The following SLC39A11 variants were observed in gnomAD, a reference collection of about 807,000 sequenced individuals.
SLC39A11 encodes the protein zinc transporter ZIP11.
In SLC39A11, 33 loss-of-function variants were observed where a neutral mutation model predicts 36.1. The observed-to-expected ratio is 0.91, with a 90% CI of 0.69 to 1.22. SLC39A11 has a LOEUF of 1.22. Ranked by LOEUF, SLC39A11 falls within the 50% of genes most tolerant of loss-of-function variation. SLC39A11 has a pLI of 0.00. For synonymous variants in SLC39A11, 166 were observed against 170.3 expected, an observed-to-expected ratio of 0.97 and a Z score of 0.20; for missense variants, 432 against 430.3, an observed-to-expected ratio of 1.00 and a Z score of -0.03.
At chr17:73,040,785 G>A (rs1265048108) in intron 3 of SLC39A11, among the ~76,000 whole-genome samples, 1 of 152,104 alleles carries the variant, frequency 6.6e-6, no homozygotes. Flanking sequence ...AAGAGTTTGA[G>A]ACCAGCCTGG....
chr17:72,675,180 T>C (rs2071201897), intron 7 of SLC39A11, among the ~76,000 whole-genome samples: 1 of 152,088 alleles, frequency 6.6e-6, no homozygotes, highest in South Asian at 2.1e-4. Flanking sequence ...CTAATCACGA[T>C]TGTGATGGTA....
chr17:72,669,300 C>A (rs1215901564), intron 7 of SLC39A11, among the ~76,000 whole-genome samples: 1 of 152,208 alleles, frequency 6.6e-6, no homozygotes, highest in Non-Finnish European at 1.5e-5. Flanking sequence ...CTCATCAATT[C>A]TCCCCTGACA....
At chr17:73,080,817 C>T (rs2344991) in intron 3 of SLC39A11, among the ~76,000 whole-genome samples, 2,264 of 151,900 alleles carry the variant, frequency 0.015, 63 homozygotes, top group African/African-American at 0.052. Context: ...TGGTGGTGGG[C>T]GCCTGTAGTC....
At chr17:72,919,718 C>G (rs1275315416) in intron 5 of SLC39A11, among the ~76,000 whole-genome samples, 1 of 150,430 alleles carries the variant, frequency 6.6e-6, no homozygotes, top group Non-Finnish European at 1.5e-5. Flanking sequence ...GGAAGAGAAG[C>G]CAGAACCCTC....
At chr17:72,699,827 G>C (rs897937888) in intron 7 of SLC39A11, among the ~76,000 whole-genome samples, 2 of 152,140 alleles carry the variant, frequency 1.3e-5, no homozygotes. Flanking sequence ...CATCTTACTT[G>C]GCAGGGGATG....
chr17:72,785,000 C>A (rs1328500568), intron 6 of SLC39A11, among the ~76,000 whole-genome samples: 2 of 151,944 alleles, frequency 1.3e-5, no homozygotes, highest in Non-Finnish European at 2.9e-5. Flanking sequence ...GCTGGGATTA[C>A]AGGTACGCAG....
At position 72,966,217 on chromosome 17, in the gene SLC39A11, G is replaced by A. The variant is rs764697348; in HGVS notation, c.307-18342C>T. 2.0e-5 allele frequency among the ~76,000 whole-genome samples: 3 copies of A among 152,348 alleles called. 1 individual carries two copies. The highest frequency in any genetic ancestry group is 4.1e-4 in the South Asian group (2 of 4,828). ...TGCCTTTCTCAGTCAGAGGTTCCCT[G>A]TGGGAACATCACATCCAGTGGGTTC... On this transcript the variant is annotated intron_variant, in intron 4 of 9. Coordinates refer to ENST00000255559, the MANE Select transcript of SLC39A11 (RefSeq NM_139177.4).
chr17:72,854,728 T>C (rs1171250063), intron 5 of SLC39A11, among the ~76,000 whole-genome samples: 1 of 152,192 alleles, frequency 6.6e-6, no homozygotes, highest in Non-Finnish European at 1.5e-5. Context: ...AAGGACCCAC[T>C]GCCAGGGCTC....
intron 4 of SLC39A11, among the ~76,000 whole-genome samples, chr17:73,016,758 C>A (rs1269001012): frequency 6.6e-6 from 1 of 152,210 alleles, no homozygotes; most frequent in Non-Finnish European, 1.5e-5. Flanking sequence ...ATTTCAGAAC[C>A]AATGAACCAA....
At chr17:73,050,427 A>G (rs577021969) in intron 3 of SLC39A11, among the ~76,000 whole-genome samples, 64 of 144,746 alleles carry the variant, frequency 4.4e-4, no homozygotes, top group African/African-American at 1.5e-3. Flanking sequence ...TGAGGCAGTT[A>G]GGATCTTATA....
chr17:72,699,074 C>T (rs964669898), intron 7 of SLC39A11, among the ~76,000 whole-genome samples: 2 of 152,028 alleles, frequency 1.3e-5, no homozygotes, highest in Non-Finnish European at 2.9e-5. Flanking sequence ...TGTGATCTGC[C>T]CGCCTTGGCC....
chr17:72,885,582 T>C (rs2081402484), intron 5 of SLC39A11, among the ~76,000 whole-genome samples: 1 of 152,190 alleles, frequency 6.6e-6, no homozygotes, highest in Non-Finnish European at 1.5e-5. Flanking sequence ...GATCTACCTC[T>C]AAAATCTCAA....
At chr17:72,771,810 T>C (rs994273906) in intron 6 of SLC39A11, among the ~76,000 whole-genome samples, 1 of 152,212 alleles carries the variant, frequency 6.6e-6, no homozygotes, top group Non-Finnish European at 1.5e-5. Context: ...TCTCACATCA[T>C]GCTGATTTCA....
intron 4 of SLC39A11, among the ~76,000 whole-genome samples, chr17:73,008,004 G>T (rs771059783): frequency 3.9e-5 from 6 of 152,206 alleles, no homozygotes; most frequent in Non-Finnish European, 7.4e-5. Context: ...TCAGGAGGCT[G>T]AGACAGGAGA....
chr17:72,786,572 T>C (rs562835683), intron 6 of SLC39A11, among the ~76,000 whole-genome samples: 22 of 152,296 alleles, frequency 1.4e-4, no homozygotes, highest in African/African-American at 4.8e-4. Context: ...GGATGGCTGA[T>C]GGATCCCGGG....
At chr17:72,773,516 G>C (rs2076022511) in intron 6 of SLC39A11, among the ~76,000 whole-genome samples, 1 of 152,054 alleles carries the variant, frequency 6.6e-6, no homozygotes. Context: ...CTTCTGCCAT[G>C]ATTGTGAGGC....
chr17:73,062,769 A>C (rs2144284352), intron 3 of SLC39A11, among the ~76,000 whole-genome samples: 1 of 152,284 alleles, frequency 6.6e-6, no homozygotes, highest in Admixed American at 6.5e-5. Flanking sequence ...TTTTGGGATG[A>C]CACTGTTCCA....
chr17:73,074,031 C>T (rs1268858218), intron 3 of SLC39A11, among the ~76,000 whole-genome samples: 3 of 150,220 alleles, frequency 2.0e-5, no homozygotes, highest in Middle Eastern at 3.2e-3. Flanking sequence ...TTCCCTACCT[C>T]TCAGGCAGTA....
At chr17:72,775,588 A>G (rs2567533) in intron 6 of SLC39A11, among the ~76,000 whole-genome samples, 100,373 of 151,964 alleles carry the variant, frequency 0.66, 34,584 homozygotes, top group Non-Finnish European at 0.78. Context: ...TCTTGGGGGC[A>G]ACGTAGCAAT....
Sources: allele counts gnomAD v4.1 joint callset (sites outside exome capture counted in the v4.1 genomes callset), GRCh38; gene constraint gnomAD v4.1.1; transcripts MANE v1.5; gene names NCBI Gene and HGNC (gene_info 2026-07-23, HGNC 2026-07-21).